HADHB: variants seen among roughly 807,000 people sequenced by gnomAD.
HADHB encodes hydroxyacyl-CoA dehydrogenase trifunctional multienzyme complex subunit beta.
A neutral mutation model predicts 61.9 loss-of-function variants in HADHB; 50 were observed. The observed-to-expected ratio is 0.81, with a 90% CI of 0.64 to 1.02. HADHB has a LOEUF of 1.02. Among genes scored for constraint, HADHB ranks in the 50% least tolerant of loss-of-function variants. HADHB has a pLI of 0.00. For missense variants in HADHB, 504 were observed against 586.5 expected, an observed-to-expected ratio of 0.86 and a Z score of 1.45; for synonymous variants, 191 against 201.6, an observed-to-expected ratio of 0.95 and a Z score of 0.45.
Position 26,279,300 on chromosome 2 carries a change from C to A in HADHB, c.796C>A (p.Pro266Thr). 1 of 1,610,132 alleles carries A rather than the reference C, an allele frequency of 6.2e-7. No homozygotes were observed. Among genetic ancestry groups the A allele is most frequent in the Non-Finnish European group, 8.5e-7 (1 of 1,176,388 alleles). Residue 266 changes from proline to threonine, a missense_variant, in exon 9 of 16, where the codon CCC becomes ACC. Pro to Thr is a conservative substitution (Grantham distance 38). Transcript: ENST00000317799. Reference sequence around the variant, plus strand: ...TGAAGGACTCCTTTCTGATGTGGTACCCTTCAAAGTACCAGGTGAAATGAA... The same window carrying A: ...TGAAGGACTCCTTTCTGATGTGGTAACCTTCAAAGTACCAGGTGAAATGAA... ...QDEGLLSDVV[P>T]FKVPGKDTVT...
chr2:26,277,287 G>T, intron 7 of HADHB, 127 bp downstream of exon 7: 1 of 592,916 alleles, frequency 1.7e-6, no homozygotes, highest in Non-Finnish European at 3.0e-6. Context: ...ACTCAGGCTG[G>T]AGTGCAGTGG....
At chr2:26,277,012 G>A (rs1420202915) in intron 6 of HADHB, 61 bp from the exon 7 acceptor site, 2 of 838,278 alleles carry the variant, frequency 2.4e-6, no homozygotes, top group African/African-American at 3.3e-5. Context: ...AGTGCTCAAA[G>A]CATCATTTAC....
At chr2:26,266,175 A>G (rs1672069072) in intron 4 of HADHB, among the ~76,000 whole-genome samples, 1 of 151,498 alleles carries the variant, frequency 6.6e-6, no homozygotes, top group South Asian at 2.1e-4. Context: ...CTGGGGCGGG[A>G]GGATTGCTTA....
rs142475516 is a variant in HADHB at position 26,278,760 on chromosome 2, T to C, written c.589T>C (p.Ser197Pro). Reference protein sequence around the residue: ...NKAKSMGQRLSLISKFRFNFL... With the variant: ...NKAKSMGQRLPLISKFRFNFL... ...GGCCAAATCTATGGGCCAGCGACTGTCTTTAATCTCTAAATTCCGATTTAA... is the reference window on the plus strand; with the variant it reads ...GGCCAAATCTATGGGCCAGCGACTGCCTTTAATCTCTAAATTCCGATTTAA... The change falls in exon 8 of 16, where the codon TCT (serine) becomes CCT (proline). Residue 197 changes from serine to proline, a missense_variant. Physicochemically the swap from Ser to Pro is moderately conservative, Grantham distance 74. Transcript: ENST00000317799. The C allele has an allele frequency of 5.0e-5, 81 of 1,614,158 alleles. No individual in the cohort carries two copies. Among genetic ancestry groups the C allele is most frequent in the Non-Finnish European group, 6.0e-5 (71 of 1,180,002 alleles).
At chr2:26,249,630 C>G (rs1404922191) in intron 1 of HADHB, among the ~76,000 whole-genome samples, 1 of 151,812 alleles carries the variant, frequency 6.6e-6, no homozygotes, top group African/African-American at 2.4e-5. Flanking sequence ...ATTCTCAGCT[C>G]CGTACTCTTC....
At chr2:26,264,413 G>A (rs922699883) in intron 4 of HADHB, among the ~76,000 whole-genome samples, 2 of 152,004 alleles carry the variant, frequency 1.3e-5, no homozygotes, top group Admixed American at 1.3e-4. Flanking sequence ...AGCTGGGCAT[G>A]GTGGTACATA....
intron 5 of HADHB, among the ~76,000 whole-genome samples, chr2:26,272,231 G>T (rs557958131): frequency 6.6e-6 from 1 of 151,956 alleles, no homozygotes; most frequent in Non-Finnish European, 1.5e-5. Context: ...TATAATGCTG[G>T]TTGTTGATAT....
intron 15 of HADHB, among the ~76,000 whole-genome samples, chr2:26,288,756 G>C (rs1038320930): frequency 3.9e-5 from 6 of 152,090 alleles, no homozygotes; most frequent in South Asian, 2.1e-4. Context: ...TTGAACTCCA[G>C]TGTATACTTG....
At chr2:26,261,242 G>T in intron 3 of HADHB, 1 of 473,700 alleles carries the variant, frequency 2.1e-6, no homozygotes. Context: ...AACAAAAAAA[G>T]TATCTTTTAT....
intron 15 of HADHB, among the ~76,000 whole-genome samples, chr2:26,287,022 G>T (rs1204732678): frequency 6.6e-6 from 1 of 151,556 alleles, no homozygotes; most frequent in Non-Finnish European, 1.5e-5. Flanking sequence ...TGGCCAACAT[G>T]GTGAAACCTT....
Position 26,279,139 on chromosome 2 carries a change from C to T in HADHB, c.635C>T (p.Pro212Leu), listed in dbSNP as rs758393205. 3.3e-5 allele frequency: 54 copies of T among 1,613,174 alleles called. No individual in the cohort carries two copies. Among genetic ancestry groups the T allele is most frequent in the Non-Finnish European group, 1.3e-5 (15 of 1,179,258 alleles). Residue 212 changes from proline to leucine, a missense_variant, in exon 9 of 16, where the codon CCT becomes CTT. By Grantham distance (98) the Pro-to-Leu change is moderately conservative (BLOSUM62 -3). Transcript: ENST00000317799. ...FRFNFLAPELPAVSEFSTSET... is the reference protein window; with the variant it reads ...FRFNFLAPELLAVSEFSTSET... The stretch of plus-strand genomic sequence containing the variant: ...CTTGGATATCTCCTTTCCCAGCTCC[C>T]TGCGGTTTCTGAGTTCTCCACCAGT...
rs773157876 is a variant in HADHB, at chr2:26,273,736, A to G, written c.340A>G (p.Asn114Asp). The G allele has an allele frequency of 1.9e-6, 3 of 1,583,236 alleles. No homozygotes were observed. The East Asian group carries it at 6.7e-5, about 35-fold the overall frequency. Residue 114 changes from asparagine (N) to aspartate (D), a missense_variant, in exon 6 of 16, where the codon AAT (asparagine) becomes GAT (aspartate). Physicochemically the swap from Asn to Asp is conservative, Grantham distance 23. Transcript: ENST00000317799. Reference protein sequence around the residue: ...GTVIQEVKTSNVAREAALGAG... With the variant: ...GTVIQEVKTSDVAREAALGAG... Reference sequence around the variant, plus strand: ...AGTTATTCAGGAAGTGAAAACAAGCAATGTGGCTAGAGAGGTGAGTAAAAC... The same window carrying G: ...AGTTATTCAGGAAGTGAAAACAAGCGATGTGGCTAGAGAGGTGAGTAAAAC...
At chr2:26,278,966 G>A (rs1188812318) in intron 8 of HADHB, among the ~76,000 whole-genome samples, 165 bp downstream of exon 8, 2 of 152,176 alleles carry the variant, frequency 1.3e-5, no homozygotes, top group Admixed American at 6.5e-5. Flanking sequence ...ACTTTAATTT[G>A]TGAGCCCTCT....
chr2:26,260,789 C>T (rs1283762827), intron 3 of HADHB: 2 of 548,276 alleles, frequency 3.6e-6, no homozygotes, highest in South Asian at 2.2e-5. Flanking sequence ...CTTTGTCTCA[C>T]ACACCACATG....
intron 1 of HADHB, among the ~76,000 whole-genome samples, chr2:26,252,815 G>A (rs572925264): frequency 6.6e-6 from 1 of 152,204 alleles, no homozygotes; most frequent in South Asian, 2.1e-4. Flanking sequence ...TATCCATGAA[G>A]TCAGTTCATG....
intron 4 of HADHB, among the ~76,000 whole-genome samples, chr2:26,268,253 CAG>C (rs1354148536): frequency 2.0e-5 from 3 of 152,156 alleles, no homozygotes; most frequent in Non-Finnish European, 2.9e-5. Flanking sequence ...TAAGAAGAAA[CAG>C]AATATTTGCA....
At chr2:26,270,084 T>C (rs1184832325) in intron 5 of HADHB, 87 bp downstream of exon 5, 21 of 903,302 alleles carry the variant, frequency 2.3e-5, no homozygotes, top group Non-Finnish European at 2.8e-5. Context: ...TTTGTTCTTA[T>C]TTTAGCCATC....
intron 3 of HADHB, among the ~76,000 whole-genome samples, chr2:26,255,856 A>T (rs983054841): frequency 6.6e-6 from 1 of 152,228 alleles, no homozygotes; most frequent in South Asian, 2.1e-4. Flanking sequence ...GGTTTGTAGT[A>T]GCCCCATAAA....
intron 7 of HADHB, among the ~76,000 whole-genome samples, 166 bp from the exon 8 acceptor site, chr2:26,278,448 C>T (rs548272672): frequency 7.4e-4 from 113 of 152,304 alleles, no homozygotes; most frequent in Non-Finnish European, 1.1e-3. Context: ...TGTTTTTAGT[C>T]ATTTAAGAAA....
Sources: allele counts gnomAD v4.1 joint callset (sites outside exome capture counted in the v4.1 genomes callset), GRCh38; gene constraint gnomAD v4.1.1; transcripts MANE v1.5; gene names NCBI Gene and HGNC (gene_info 2026-07-23, HGNC 2026-07-21).